The following CSMD1 variants were observed in gnomAD, a reference collection of about 807,000 sequenced individuals.
CSMD1 encodes the protein CUB and sushi domain-containing protein 1.
Under a neutral mutation model 417.5 loss-of-function variants are expected in CSMD1, and 213 were observed. That is an observed-to-expected ratio of 0.51 (90% CI 0.46 to 0.57). CSMD1 has a LOEUF of 0.57. Among genes scored for constraint, CSMD1 ranks in the 20% least tolerant of loss-of-function variants. The pLI, the probability that CSMD1 is intolerant of heterozygous loss-of-function variation, is 0.00. For synonymous variants in CSMD1, 2,862 were observed against 1,736.8 expected, an observed-to-expected ratio of 1.65 and a Z score of -16.11; for missense variants, 6,923 against 4,529.7, an observed-to-expected ratio of 1.53 and a Z score of -15.17.
In CSMD1 at chr8:3,618,701, G is replaced by A. The variant is rs73660390; in HGVS notation, c.1010-1904C>T. Among the ~76,000 whole-genome samples the A allele has an allele frequency of 4.6e-5, 7 of 152,012 alleles. No homozygotes were observed. The East Asian group carries it at 5.8e-4, about 13-fold the overall frequency. On this transcript the variant is annotated intron_variant, in intron 7 of 69. Transcript: ENST00000635120. ...AAGATTAAAATAATTTTACAGGAGCGCTAAATGACAGTAAAAAAATCTGTA... is the reference window on the plus strand; with the variant it reads ...AAGATTAAAATAATTTTACAGGAGCACTAAATGACAGTAAAAAAATCTGTA...
At chr8:4,437,447 A>C (rs903859018) in intron 2 of CSMD1, among the ~76,000 whole-genome samples, 1 of 152,226 alleles carries the variant, frequency 6.6e-6, no homozygotes, top group African/African-American at 2.4e-5. Context: ...TAAAATCAGA[A>C]ACATTCACCA....
At chr8:3,050,761 C>T (rs1811767284) in intron 50 of CSMD1, among the ~76,000 whole-genome samples, 1 of 152,050 alleles carries the variant, frequency 6.6e-6, no homozygotes, top group African/African-American at 2.4e-5. Context: ...AACTCAACCG[C>T]CTTCCATAAT....
intron 2 of CSMD1, among the ~76,000 whole-genome samples, chr8:4,486,250 CATATATATATAT>C (rs376449969): frequency 3.0e-4 from 4 of 13,220 alleles, no homozygotes; most frequent in African/African-American, 7.4e-4. Flanking sequence ...TATATACATA[CATATATATATAT>C]ATATATATAT....
intron 12 of CSMD1, among the ~76,000 whole-genome samples, chr8:3,417,578 T>A (rs1210778456): frequency 6.6e-6 from 1 of 152,208 alleles, no homozygotes; most frequent in Admixed American, 6.5e-5. Flanking sequence ...AGGGCTGCCA[T>A]AGCTACTACA....
intron 3 of CSMD1, among the ~76,000 whole-genome samples, chr8:4,249,852 C>T (rs1802947628): frequency 6.6e-6 from 1 of 152,082 alleles, no homozygotes; most frequent in Non-Finnish European, 1.5e-5. Context: ...TGTCCCCTGA[C>T]CCCCGGAATT....
intron 6 of CSMD1, among the ~76,000 whole-genome samples, chr8:3,750,606 C>T (rs1320420972): frequency 6.6e-6 from 1 of 152,048 alleles, no homozygotes; most frequent in East Asian, 1.9e-4. Flanking sequence ...GGGCTTCATG[C>T]TTTTTAATCT....
chr8:4,887,135 C>T (rs1357455316), intron 1 of CSMD1, among the ~76,000 whole-genome samples: 2 of 151,936 alleles, frequency 1.3e-5, no homozygotes, highest in Admixed American at 6.6e-5. Flanking sequence ...CATCTAAGCC[C>T]AGTTTTACCT....
At chr8:3,796,478 A>G (rs1585013514) in intron 5 of CSMD1, among the ~76,000 whole-genome samples, 1 of 133,852 alleles carries the variant, frequency 7.5e-6, no homozygotes, top group Non-Finnish European at 1.5e-5. Context: ...GTATATAGAT[A>G]TCTATCTATC....
intron 1 of CSMD1, among the ~76,000 whole-genome samples, chr8:4,742,126 G>A (rs993420926): frequency 7.1e-6 from 1 of 141,202 alleles, no homozygotes; most frequent in Non-Finnish European, 1.5e-5. Context: ...CGCTTCCCGG[G>A]TTCACGCCAT....
intron 3 of CSMD1, among the ~76,000 whole-genome samples, chr8:4,366,718 A>T (rs1802095293): frequency 6.6e-6 from 1 of 151,764 alleles, no homozygotes; most frequent in African/African-American, 2.4e-5. Flanking sequence ...TTTTATTATT[A>T]TTATTAGACT....
rs181455283 is a variant in CSMD1, at chr8:3,354,499, T to A, written c.3304+4653A>T. On this transcript the variant is annotated intron_variant, in intron 21 of 69. Transcript: ENST00000635120. ...CCTTTCTCCTTTAAACCAAGTTCAT[T>A]GTGTTCTACGCAACAAATAAGTAAA... 6.2e-4 allele frequency among the ~76,000 whole-genome samples: 95 copies of A among 152,270 alleles called. 1 individual carries two copies. Among genetic ancestry groups the A allele is most frequent in the Non-Finnish European group, 4.7e-4 (32 of 68,014 alleles).
chr8:4,932,883 A>G (rs993878611), intron 1 of CSMD1, among the ~76,000 whole-genome samples: 1 of 152,228 alleles, frequency 6.6e-6, no homozygotes, highest in Non-Finnish European at 1.5e-5. Context: ...ATGCAATATT[A>G]ATTTTTACTA....
intron 5 of CSMD1, among the ~76,000 whole-genome samples, chr8:3,965,829 G>C (rs762577630): frequency 1.3e-5 from 2 of 152,078 alleles, no homozygotes; most frequent in South Asian, 2.1e-4. Flanking sequence ...ATGTTGGCCA[G>C]GCCGGTCTTG....
At position 3,086,363 on chromosome 8, in the gene CSMD1, C is replaced by A. The variant is rs145489392; in HGVS notation, c.7474+734G>T. The stretch of plus-strand genomic sequence containing the variant: ...GATCAACTTCTTACAGTCAAAGGCA[C>A]CTACAATAACTGTGATAAGTATCTA... On this transcript the variant is annotated intron_variant, in intron 49 of 69. Transcript: ENST00000635120. Among the ~76,000 whole-genome samples the A allele has an allele frequency of 6.2e-3, 943 of 152,098 alleles. 7 individuals are homozygous for A. Among genetic ancestry groups the A allele is most frequent in the African/African-American group, 7.4e-3 (307 of 41,518 alleles).
intron 3 of CSMD1, among the ~76,000 whole-genome samples, chr8:4,083,866 C>G (rs1272747420): frequency 6.6e-6 from 1 of 152,172 alleles, no homozygotes; most frequent in East Asian, 1.9e-4. Context: ...TAAAGAGCTT[C>G]TGCACAGCAA....
intron 2 of CSMD1, among the ~76,000 whole-genome samples, chr8:4,456,360 A>C (rs1799484266): frequency 6.6e-6 from 1 of 152,214 alleles, no homozygotes; most frequent in African/African-American, 2.4e-5. Context: ...TGGTAAAAAT[A>C]CTGTATCTGT....
At chr8:4,074,214 A>C (rs916016529) in intron 3 of CSMD1, among the ~76,000 whole-genome samples, 5 of 152,104 alleles carry the variant, frequency 3.3e-5, no homozygotes, top group Admixed American at 6.5e-5. Context: ...TTGTACACAA[A>C]TTATACAGCT....
At chr8:3,992,673 A>AGGAAT (rs1316495778) in intron 5 of CSMD1, among the ~76,000 whole-genome samples, 1 of 152,158 alleles carries the variant, frequency 6.6e-6, no homozygotes, top group African/African-American at 2.4e-5. Flanking sequence ...CCCAGATACA[A>AGGAAT]GGAATGCTAA....
chr8:3,262,184 A>AAT (rs201972449), intron 26 of CSMD1, among the ~76,000 whole-genome samples: 339 of 63,054 alleles, frequency 5.4e-3, no homozygotes, highest in East Asian at 0.017. Context: ...TGCTCATATG[A>AAT]ATATATATAT....
Sources: allele counts gnomAD v4.1 joint callset (sites outside exome capture counted in the v4.1 genomes callset), GRCh38; gene constraint gnomAD v4.1.1; transcripts MANE v1.5; gene names NCBI Gene and HGNC (gene_info 2026-07-23, HGNC 2026-07-21).